The following POLN variants were observed in gnomAD, a reference collection of about 807,000 sequenced individuals.
POLN encodes the protein DNA polymerase nu.
POLN carries 108 observed loss-of-function variants against 113.5 expected under a neutral mutation model. The observed-to-expected ratio is 0.95, with a 90% CI of 0.81 to 1.12. The LOEUF (loss-of-function observed/expected upper bound fraction) is 1.12. POLN is among the 50% of genes most tolerant of loss of function. The pLI, the probability that POLN is intolerant of heterozygous loss-of-function variation, is 0.00. For synonymous variants in POLN, 386 were observed against 391.5 expected (o/e 0.99, Z 0.17); for missense variants, 1,097 against 1,077.1 (o/e 1.02, Z -0.26).
intron 24 of POLN, among the ~76,000 whole-genome samples, chr4:2,075,217 GCTCT>G (rs921156185): frequency 3.3e-5 from 5 of 152,232 alleles, no homozygotes; most frequent in Admixed American, 6.5e-5. Context: ...AATACCTGGC[GCTCT>G]CTGAGGGGCT....
intron 6 of POLN, among the ~76,000 whole-genome samples, chr4:2,197,963 T>C (rs914777177): frequency 6.6e-6 from 1 of 152,092 alleles, no homozygotes; most frequent in African/African-American, 2.4e-5. Flanking sequence ...ACAAGATCCA[T>C]CCCAGAAAGG....
chr4:2,178,182 C>T (rs2108750285), intron 8 of POLN, among the ~76,000 whole-genome samples: 1 of 152,264 alleles, frequency 6.6e-6, no homozygotes, highest in Middle Eastern at 3.6e-3. Context: ...CACCTCTTAC[C>T]CCCAGCTCAG....
chr4:2,119,399 TTGTG>T (rs887421020), intron 19 of POLN, among the ~76,000 whole-genome samples: 1 of 134,286 alleles, frequency 7.4e-6, no homozygotes, highest in Non-Finnish European at 1.6e-5. Flanking sequence ...TGTCTTTTGC[TTGTG>T]TGTGTGTGCA....
intron 8 of POLN, 117 bp downstream of exon 8, chr4:2,179,191 G>C: frequency 1.9e-6 from 2 of 1,045,156 alleles, no homozygotes; most frequent in Non-Finnish European, 2.8e-6. Flanking sequence ...TGCTGAATAA[G>C]TGAAAATGAA....
At chr4:2,117,554 G>A (rs1731346844) in intron 19 of POLN, among the ~76,000 whole-genome samples, 1 of 152,158 alleles carries the variant, frequency 6.6e-6, no homozygotes, top group Admixed American at 6.5e-5. Flanking sequence ...AAGAAGGCAA[G>A]TCTGTCACCC....
At chr4:2,229,060 A>C in intron 3 of POLN, 39 bp downstream of exon 3, 1 of 1,537,120 alleles carries the variant, frequency 6.5e-7, no homozygotes, top group Non-Finnish European at 8.9e-7. Context: ...TTAACATTCA[A>C]AGTATCAAGA....
intron 19 of POLN, among the ~76,000 whole-genome samples, chr4:2,121,759 T>G (rs1731449587): frequency 6.6e-6 from 1 of 152,126 alleles, no homozygotes; most frequent in Non-Finnish European, 1.5e-5. Context: ...TGTTAGAGTT[T>G]ATCAATTTTG....
intron 6 of POLN, among the ~76,000 whole-genome samples, chr4:2,193,938 G>A (rs10003252): frequency 0.26 from 38,775 of 152,002 alleles, 7,841 homozygotes; most frequent in African/African-American, 0.54. Flanking sequence ...ATTATAATGT[G>A]CCTTGAACGT....
Position 2,208,062 on chromosome 4 carries a change from T to G in POLN, c.639A>C (p.Glu213Asp). ...LDDWAKSQLI[E>D]MLKQAAALVI... ...CCAGGGCTGCTGCCTGTTTGAGCAT[T>G]TCAATCAGCTGGCTTTTTGCCCAAT... Residue 213 changes from glutamate (E) to aspartate (D), a missense_variant, in exon 5 of 26, where the codon GAA (glutamate) becomes GAC (aspartate). Glu to Asp is a conservative substitution (Grantham distance 45, BLOSUM62 2). Transcript: ENST00000511885. 1.2e-6 allele frequency: 2 copies of G among 1,614,224 alleles called. No individual in the cohort carries two copies. The highest frequency in any genetic ancestry group is 2.2e-5 in the South Asian group (2 of 91,088).
In POLN at chr4:2,193,324, A is replaced by T. The variant is rs74603558; in HGVS notation, c.909-8T>A. ...GTTTGAAATAGCACGTTCCTAGAAGATGAAAAGAAATTCACTGATTTAAAC... is the reference window on the plus strand; with the variant it reads ...GTTTGAAATAGCACGTTCCTAGAAGTTGAAAAGAAATTCACTGATTTAAAC... On this transcript the variant is annotated splice_polypyrimidine_tract_variant and splice_region_variant and intron_variant, in intron 6 of 25. Transcript: ENST00000511885. The T allele has an allele frequency of 1.5e-3, 2,357 of 1,540,098 alleles. 38 individuals are homozygous for T. The African/African-American group carries it at 0.029, about 19-fold the overall frequency.
At chr4:2,189,973 T>C (rs10006740) in intron 7 of POLN, among the ~76,000 whole-genome samples, 36,316 of 142,838 alleles carry the variant, frequency 0.25, 6,927 homozygotes, top group African/African-American at 0.53. Flanking sequence ...TGCAGTGAGC[T>C]GAGATCACGC....
intron 6 of POLN, among the ~76,000 whole-genome samples, chr4:2,196,847 A>G (rs1302667474): frequency 6.6e-6 from 1 of 152,222 alleles, no homozygotes; most frequent in Non-Finnish European, 1.5e-5. Flanking sequence ...TGTTCAGAGA[A>G]AAACATAAAG....
intron 16 of POLN, among the ~76,000 whole-genome samples, chr4:2,132,859 A>G (rs1423928387): frequency 6.6e-6 from 1 of 152,258 alleles, no homozygotes; most frequent in African/African-American, 2.4e-5. Context: ...CTGAAGGGAA[A>G]TGCTTCCAAA....
In POLN at chr4:2,158,353, T is replaced by A. The variant is rs35407956; in HGVS notation, c.1612-442A>T. Among the ~76,000 whole-genome samples, 1,318 of 152,308 alleles carry A rather than the reference T, an allele frequency of 8.7e-3. 22 individuals carry two copies. Among genetic ancestry groups the A allele is most frequent in the African/African-American group, 0.03 (1,260 of 41,562 alleles). ...ACTCCGAGAGGCCCTGGAATGACCT[T>A]AGGTGGTACCAGGATTAAATAACAC... On this transcript the variant is annotated intron_variant, in intron 14 of 25. Transcript: ENST00000511885.
intron 3 of POLN, chr4:2,228,139 C>T (rs542648143): frequency 6.5e-6 from 1 of 152,958 alleles, no homozygotes; most frequent in Non-Finnish European, 1.5e-5. Context: ...TTTCATTACT[C>T]AATTATATCT....
intron 4 of POLN, among the ~76,000 whole-genome samples, chr4:2,210,099 T>C (rs1733955164): frequency 6.6e-6 from 1 of 151,688 alleles, no homozygotes; most frequent in Admixed American, 6.6e-5. Context: ...GGTCACATGT[T>C]ATGAAAATTT....
intron 3 of POLN, among the ~76,000 whole-genome samples, chr4:2,216,465 G>T (rs916173): frequency 0.019 from 2,897 of 152,246 alleles, 105 homozygotes; most frequent in African/African-American, 0.066. Flanking sequence ...TTCATCACAG[G>T]TGTCACCTCC....
intron 4 of POLN, among the ~76,000 whole-genome samples, chr4:2,210,630 T>TAA (rs550506550): frequency 4.5e-5 from 4 of 88,606 alleles, no homozygotes; most frequent in African/African-American, 1.7e-4. Flanking sequence ...ATAATAATAA[T>TAA]AAAAAAAAGA....
intron 7 of POLN, among the ~76,000 whole-genome samples, chr4:2,187,834 G>A (rs946400491): frequency 6.6e-6 from 1 of 152,214 alleles, no homozygotes; most frequent in Admixed American, 6.5e-5. Context: ...ACAACTGCCA[G>A]GCTTGGTGGC....
Sources: allele counts gnomAD v4.1 joint callset (sites outside exome capture counted in the v4.1 genomes callset), GRCh38; gene constraint gnomAD v4.1.1; transcripts MANE v1.5; gene names NCBI Gene and HGNC (gene_info 2026-07-23, HGNC 2026-07-21).